Variants in SSUH2 observed in about 807,000 individuals in gnomAD.
SSUH2 encodes ssu-2 homolog, also known as protein SSUH2 homolog.
Under a neutral mutation model 55.3 loss-of-function variants are expected in SSUH2, and 47 were observed. The observed-to-expected ratio is 0.85, with a 90% CI of 0.67 to 1.08. The LOEUF is 1.08. SSUH2 is among the 50% of genes least tolerant of loss of function. The pLI, the probability that SSUH2 is intolerant of heterozygous loss-of-function variation, is 0.00. For synonymous variants in SSUH2, 212 were observed against 191.5 expected (o/e 1.11, Z -0.89); for missense variants, 535 against 490.7 (o/e 1.09, Z -0.85).
chr3:8,621,035 G>A (rs1046484154), intron 11 of SSUH2, among the ~76,000 whole-genome samples: 2 of 152,188 alleles, frequency 1.3e-5, no homozygotes, highest in Non-Finnish European at 1.5e-5. Context: ...GCAAACATTA[G>A]GCTCCCATCT....
chr3:8,625,487 C>G (rs554806812), intron 10 of SSUH2, 55 bp downstream of exon 10: 1 of 1,137,992 alleles, frequency 8.8e-7, no homozygotes, highest in Admixed American at 1.8e-5. Context: ...CCCAGGCCCA[C>G]GAGAGCAGAG....
intron 6 of SSUH2, 113 bp from the exon 7 acceptor site, chr3:8,629,839 T>C (rs982149439): frequency 1.3e-4 from 130 of 993,812 alleles, no homozygotes; most frequent in Non-Finnish European, 1.9e-4. Context: ...GATAGGAAGA[T>C]GGCACAGGAA....
intron 3 of SSUH2, among the ~76,000 whole-genome samples, chr3:8,675,162 G>C (rs1236277883): frequency 6.6e-6 from 1 of 152,184 alleles, no homozygotes; most frequent in Non-Finnish European, 1.5e-5. Context: ...TGTTGGGTTT[G>C]CTGCCAGCTG....
At chr3:8,639,556 G>A (rs565235254) in intron 1 of SSUH2, among the ~76,000 whole-genome samples, 4 of 152,282 alleles carry the variant, frequency 2.6e-5, no homozygotes, top group South Asian at 2.1e-4. Flanking sequence ...AAAGAGAGTC[G>A]CCAAGGTAGT....
At chr3:8,652,261 A>C (rs1490315282) in intron 7 of SSUH2, among the ~76,000 whole-genome samples, 1 of 152,160 alleles carries the variant, frequency 6.6e-6, no homozygotes, top group African/African-American at 2.4e-5. Flanking sequence ...CTCCCTCTGC[A>C]CCTGTACCAC....
At chr3:8,654,693 G>A (rs1400333667) in intron 7 of SSUH2, among the ~76,000 whole-genome samples, 3 of 152,094 alleles carry the variant, frequency 2.0e-5, no homozygotes, top group African/African-American at 4.8e-5. Context: ...CTCAGTGTGC[G>A]GCCACTCCAA....
chr3:8,662,541 C>T (rs935309629), intron 6 of SSUH2, among the ~76,000 whole-genome samples: 1 of 152,190 alleles, frequency 6.6e-6, no homozygotes, highest in Non-Finnish European at 1.5e-5. Context: ...GGCAAGTATA[C>T]AGCGAGTGCT....
intron 1 of SSUH2, among the ~76,000 whole-genome samples, chr3:8,638,043 G>A (rs749761582): frequency 7.9e-5 from 12 of 152,154 alleles, no homozygotes; most frequent in Non-Finnish European, 1.3e-4. Context: ...TCGGAGTCAC[G>A]TTTGGCCCAT....
rs1228308789 is a variant in SSUH2, at chr3:8,627,799, T to G, written c.589-16A>C. ...GGCACCGCACCTGCAGACACACCACTGCCTCAGCCCCCGCTGGCCTCCCAG... is the reference window on the plus strand; with the variant it reads ...GGCACCGCACCTGCAGACACACCACGGCCTCAGCCCCCGCTGGCCTCCCAG... On this transcript the variant is annotated splice_polypyrimidine_tract_variant and intron_variant, in intron 7 of 11. Transcript: ENST00000544814. 1.2e-6 allele frequency: 2 copies of G among 1,601,398 alleles called. No individual in the cohort carries two copies. Among genetic ancestry groups the G allele is most frequent in the African/African-American group, 2.7e-5 (2 of 74,410 alleles).
chr3:8,642,833 A>T (rs1191653905), intron 1 of SSUH2, among the ~76,000 whole-genome samples: 1 of 152,098 alleles, frequency 6.6e-6, no homozygotes, highest in Admixed American at 6.5e-5. Context: ...CCTTTCTGAC[A>T]CTTGGGGAAA....
intron 1 of SSUH2, among the ~76,000 whole-genome samples, chr3:8,680,842 TTATGGGGA>T: frequency 6.6e-6 from 1 of 152,026 alleles, no homozygotes; most frequent in African/African-American, 2.4e-5. Context: ...TCGTTCTCTA[TTATGGGGA>T]GCCGTATCTG....
At chr3:8,654,192 C>A (rs1702712051) in intron 7 of SSUH2, among the ~76,000 whole-genome samples, 1 of 152,192 alleles carries the variant, frequency 6.6e-6, no homozygotes, top group African/African-American at 2.4e-5. Flanking sequence ...AGAGAGAGAG[C>A]AAGCTTTCTT....
chr3:8,646,608 C>T (rs1299965919), upstream of SSUH2, among the ~76,000 whole-genome samples: 1 of 152,176 alleles, frequency 6.6e-6, no homozygotes, highest in African/African-American at 2.4e-5. Flanking sequence ...GATAAACAAA[C>T]CAACAGCTAG....
chr3:8,620,986 T>TC (rs3836466), intron 11 of SSUH2, among the ~76,000 whole-genome samples: 10,215 of 147,866 alleles, frequency 0.069, 873 homozygotes, highest in African/African-American at 0.19. Flanking sequence ...CTTTCTGCAA[T>TC]ATGAGGCCCT....
At chr3:8,625,786 G>A (rs1056033503) in intron 9 of SSUH2, 139 bp from the exon 10 acceptor site, 65 of 615,094 alleles carry the variant, frequency 1.1e-4, no homozygotes, top group Middle Eastern at 7.8e-4. Context: ...GCCTCTCTGA[G>A]CCTCAGTCTC....
intron 1 of SSUH2, among the ~76,000 whole-genome samples, chr3:8,642,545 G>A (rs983919447): frequency 2.0e-4 from 31 of 152,370 alleles, no homozygotes; most frequent in African/African-American, 7.5e-4. Flanking sequence ...GGTCAGGGAT[G>A]CTGTAGACAG....
chr3:8,665,791 C>A (rs891338156), intron 5 of SSUH2, among the ~76,000 whole-genome samples: 17 of 152,150 alleles, frequency 1.1e-4, no homozygotes, highest in African/African-American at 4.1e-4. Context: ...AAAATAGAAT[C>A]TTTATTTTAG....
chr3:8,668,671 T>A (rs1704222727), intron 5 of SSUH2, among the ~76,000 whole-genome samples: 1 of 152,206 alleles, frequency 6.6e-6, no homozygotes, highest in Admixed American at 6.5e-5. Flanking sequence ...AGGCATCTTT[T>A]CAGCCTTTCA....
intron 7 of SSUH2, among the ~76,000 whole-genome samples, chr3:8,656,707 TATAA>T (rs1702967678): frequency 6.6e-6 from 1 of 152,202 alleles, no homozygotes; most frequent in Admixed American, 6.5e-5. Flanking sequence ...AGCCTCAGTT[TATAA>T]ATGAGAAAAC....
Sources: gnomAD v4.1 joint callset for allele counts (sites outside exome capture counted in the v4.1 genomes callset) on GRCh38, gnomAD v4.1.1 for gene constraint, MANE v1.5 for transcripts, NCBI Gene and HGNC (gene_info 2026-07-23, HGNC 2026-07-21) for gene names.